PABPC4L: variants seen among roughly 807,000 people sequenced by gnomAD.
PABPC4L encodes the protein poly(A) binding protein cytoplasmic 4 like.
For synonymous variants in PABPC4L, 169 were observed against 164.1 expected, an observed-to-expected ratio of 1.03 and a Z score of -0.23; for missense variants, 452 against 451.4, an observed-to-expected ratio of 1.00 and a Z score of -0.01.
the PABPC4L span, among the ~76,000 whole-genome samples, chr4:134,162,752 T>C: frequency 6.6e-6 from 1 of 152,076 alleles, no homozygotes; most frequent in Admixed American, 6.6e-5. Flanking sequence ...TCAAATCTGC[T>C]CTTGAATGAT....
the PABPC4L span, among the ~76,000 whole-genome samples, chr4:134,167,604 C>A: frequency 6.6e-6 from 1 of 151,280 alleles, no homozygotes; most frequent in Non-Finnish European, 1.5e-5. Context: ...ATATTTCATG[C>A]AAAGGAAAAT....
the PABPC4L span, among the ~76,000 whole-genome samples, chr4:133,972,882 T>C: frequency 1.3e-5 from 2 of 152,140 alleles, no homozygotes; most frequent in Non-Finnish European, 2.9e-5. Context: ...CAGTAAGAGA[T>C]ACTATACAGC....
At chr4:134,031,496 C>T in the PABPC4L span, among the ~76,000 whole-genome samples, 1 of 151,936 alleles carries the variant, frequency 6.6e-6, no homozygotes, top group Non-Finnish European at 1.5e-5. Context: ...CTTTGAGACT[C>T]TTGTGGCTCT....
chr4:134,036,899 T>C, the PABPC4L span, among the ~76,000 whole-genome samples: 77 of 152,014 alleles, frequency 5.1e-4, 1 homozygote, highest in African/African-American at 1.5e-3. Context: ...CTACTAAAAA[T>C]GCAGAAATTA....
the PABPC4L span, among the ~76,000 whole-genome samples, chr4:133,959,789 G>T: frequency 6.6e-6 from 1 of 152,172 alleles, no homozygotes; most frequent in African/African-American, 2.4e-5. Context: ...GCCTATAAAT[G>T]TGAAGGTTTG....
At chr4:133,970,741 A>G in the PABPC4L span, among the ~76,000 whole-genome samples, 1 of 152,084 alleles carries the variant, frequency 6.6e-6, no homozygotes, top group Non-Finnish European at 1.5e-5. Context: ...AGGTCATGAG[A>G]GCACAGCTCT....
chr4:134,093,237 A>G, the PABPC4L span, among the ~76,000 whole-genome samples: 1 of 149,822 alleles, frequency 6.7e-6, no homozygotes, highest in East Asian at 2.0e-4. Flanking sequence ...CTTTCTTTTA[A>G]TTTATCATTT....
At chr4:134,093,570 T>C in the PABPC4L span, among the ~76,000 whole-genome samples, 4 of 70,292 alleles carry the variant, frequency 5.7e-5, no homozygotes, top group African/African-American at 2.5e-4. Flanking sequence ...CTTTTCTTTC[T>C]CTTTTTTTTT....
the PABPC4L span, among the ~76,000 whole-genome samples, chr4:134,166,136 G>A: frequency 6.6e-6 from 1 of 152,118 alleles, no homozygotes. Context: ...AGCCAGGAGG[G>A]TTGGAGTGAG....
At chr4:134,147,711 A>G in the PABPC4L span, among the ~76,000 whole-genome samples, 1 of 147,828 alleles carries the variant, frequency 6.8e-6, no homozygotes, top group East Asian at 2.1e-4. Context: ...TTGGTAGTCA[A>G]TGTTCAGAAA....
At chr4:134,141,308 G>A in the PABPC4L span, among the ~76,000 whole-genome samples, 3 of 150,962 alleles carry the variant, frequency 2.0e-5, no homozygotes, top group African/African-American at 7.3e-5. Context: ...AGAGAGAACT[G>A]GTAAGCAAAA....
At chr4:134,137,771 T>C in the PABPC4L span, among the ~76,000 whole-genome samples, 1 of 151,904 alleles carries the variant, frequency 6.6e-6, no homozygotes. Context: ...TGGACTATTA[T>C]GCAAACCTCT....
the PABPC4L span, among the ~76,000 whole-genome samples, chr4:134,140,469 T>C: frequency 6.6e-6 from 1 of 151,886 alleles, no homozygotes; most frequent in African/African-American, 2.4e-5. Context: ...CAATTTTATA[T>C]GACATGCCTT....
the PABPC4L span, among the ~76,000 whole-genome samples, chr4:134,150,108 A>T: frequency 6.8e-6 from 1 of 147,252 alleles, no homozygotes. Flanking sequence ...TTTGAGACAG[A>T]GTCTCACTCT....
At chr4:134,125,536 G>A in the PABPC4L span, among the ~76,000 whole-genome samples, 5 of 152,086 alleles carry the variant, frequency 3.3e-5, no homozygotes, top group East Asian at 5.8e-4. Flanking sequence ...AAGAAGCTAC[G>A]TATGGATACT....
the PABPC4L span, among the ~76,000 whole-genome samples, chr4:134,140,906 C>A: frequency 6.6e-6 from 1 of 151,574 alleles, no homozygotes; most frequent in Non-Finnish European, 1.5e-5. Flanking sequence ...TAGAACATGA[C>A]CCAGATTTCC....
At chr4:134,027,303 A>C in the PABPC4L span, among the ~76,000 whole-genome samples, 1 of 152,106 alleles carries the variant, frequency 6.6e-6, no homozygotes, top group Non-Finnish European at 1.5e-5. Context: ...GGATGGGCCA[A>C]ACCAGTCACT....
At chr4:134,079,426 T>C in the PABPC4L span, among the ~76,000 whole-genome samples, 3 of 125,316 alleles carry the variant, frequency 2.4e-5, no homozygotes, top group African/African-American at 9.2e-5. Context: ...TAAAAAAAAA[T>C]AAATTAGCCA....
At chr4:133,984,332 A>C in the PABPC4L span, among the ~76,000 whole-genome samples, 1 of 151,764 alleles carries the variant, frequency 6.6e-6, no homozygotes, top group Non-Finnish European at 1.5e-5. Context: ...GAGATGCATA[A>C]TTTTTTAAAT....
Sources: gnomAD v4.1 joint callset for allele counts (sites outside exome capture counted in the v4.1 genomes callset) on GRCh38, gnomAD v4.1.1 for gene constraint, MANE v1.5 for transcripts, NCBI Gene and HGNC (gene_info 2026-07-23, HGNC 2026-07-21) for gene names.